The following RBFOX2 variants were observed in gnomAD, a reference collection of about 807,000 sequenced individuals.
The protein encoded by RBFOX2 is RNA binding fox-1 homolog 2, also known as RNA binding protein fox-1 homolog 2.
A neutral mutation model predicts 49.1 loss-of-function variants in RBFOX2; 10 were observed. The ratio of observed to expected loss-of-function variants is 0.20; its 90% confidence interval spans 0.13 to 0.35. The LOEUF (loss-of-function observed/expected upper bound fraction) is 0.35. RBFOX2 is among the 10% of genes least tolerant of loss of function. The pLI is 1.00. For missense variants in RBFOX2, 323 were observed against 486.9 expected (o/e 0.66, Z 3.17); for synonymous variants, 183 against 187.4 (o/e 0.98, Z 0.19).
upstream of RBFOX2, chr22:35,939,034 C>A: frequency 1.2e-6 from 1 of 828,712 alleles, no homozygotes; most frequent in African/African-American, 1.7e-5. Flanking sequence ...TCCACCCTAC[C>A]TAAGTGTATA....
chr22:35,858,826 CAAAA>C (rs771614258), intron 1 of RBFOX2, among the ~76,000 whole-genome samples: 1 of 53,734 alleles, frequency 1.9e-5, no homozygotes. Flanking sequence ...GACTCTGTCT[CAAAA>C]AAAAAAAAAA....
At chr22:35,776,590 A>G (rs1943962866) in intron 4 of RBFOX2, among the ~76,000 whole-genome samples, 1 of 152,238 alleles carries the variant, frequency 6.6e-6, no homozygotes, top group Non-Finnish European at 1.5e-5. Flanking sequence ...AATTTGGAGT[A>G]TGAAATTGGA....
chr22:35,846,106 A>T (rs2041150275), intron 1 of RBFOX2, among the ~76,000 whole-genome samples: 1 of 150,484 alleles, frequency 6.6e-6, no homozygotes, highest in African/African-American at 2.4e-5. Context: ...ATGTTAATAT[A>T]ATTACATAAA....
intron 1 of RBFOX2, among the ~76,000 whole-genome samples, chr22:35,910,534 A>C (rs2049685899): frequency 6.6e-6 from 1 of 152,204 alleles, no homozygotes; most frequent in Admixed American, 6.6e-5. Context: ...AGACAGCTTA[A>C]GGGTTTTTGT....
chr22:35,999,486 G>A, intron 1 of RBFOX2: 1 of 152,168 alleles, frequency 6.6e-6, no homozygotes, highest in East Asian at 1.9e-4. Context: ...GGGCCCAAGA[G>A]TTGGAGGTTA....
At chr22:35,910,272 A>G (rs1261061515) in intron 1 of RBFOX2, among the ~76,000 whole-genome samples, 1 of 152,230 alleles carries the variant, frequency 6.6e-6, no homozygotes, top group Non-Finnish European at 1.5e-5. Flanking sequence ...AAAGTACTCT[A>G]TGGTCAAATT....
intron 1 of RBFOX2, among the ~76,000 whole-genome samples, chr22:36,027,318 G>A (rs187923779): frequency 1.6e-4 from 25 of 152,248 alleles, no homozygotes; most frequent in African/African-American, 4.3e-4. Context: ...CTGCACAACT[G>A]TTGGTAGGTG....
chr22:36,012,097 A>G (rs991239325), intron 1 of RBFOX2, among the ~76,000 whole-genome samples: 2 of 152,212 alleles, frequency 1.3e-5, no homozygotes, highest in Admixed American at 1.3e-4. Context: ...AAGCCAAAAA[A>G]CAACGACAAA....
At chr22:36,010,359 C>CAAT (rs1347894218) in intron 1 of RBFOX2, among the ~76,000 whole-genome samples, 1 of 152,128 alleles carries the variant, frequency 6.6e-6, no homozygotes, top group Non-Finnish European at 1.5e-5. Flanking sequence ...GGCTTCCATT[C>CAAT]ACTACTTGGG....
intron 1 of RBFOX2, among the ~76,000 whole-genome samples, chr22:36,008,837 A>G (rs2058711598): frequency 6.6e-6 from 1 of 152,174 alleles, no homozygotes; most frequent in African/African-American, 2.4e-5. Flanking sequence ...AAAAAAGGAA[A>G]GATTCATACC....
chr22:35,918,320 C>T (rs1569487257), intron 1 of RBFOX2, among the ~76,000 whole-genome samples: 2 of 152,148 alleles, frequency 1.3e-5, no homozygotes, highest in Non-Finnish European at 2.9e-5. Flanking sequence ...GAGATTAAAT[C>T]AAGAAAGTAA....
intron 1 of RBFOX2, among the ~76,000 whole-genome samples, chr22:36,027,783 T>C (rs918414863): frequency 2.0e-5 from 3 of 152,092 alleles, no homozygotes; most frequent in African/African-American, 4.8e-5. Flanking sequence ...ACTCCTCTCA[T>C]TGAAATGCCA....
intron 1 of RBFOX2, among the ~76,000 whole-genome samples, chr22:35,969,090 A>G (rs528974954): frequency 6.6e-6 from 1 of 152,300 alleles, no homozygotes; most frequent in Non-Finnish European, 1.5e-5. Flanking sequence ...AGAGAGCAGT[A>G]AAGTGAAGTG....
rs1378162018 is a variant in RBFOX2, at chr22:35,806,815, G to A, written c.252+2965C>T. Among the ~76,000 whole-genome samples the A allele has an allele frequency of 2.0e-5, 3 of 152,074 alleles. No homozygotes were observed. In the East Asian group the frequency reaches 5.8e-4, roughly 29 times the overall value. The stretch of plus-strand genomic sequence containing the variant: ...AGGATCTAGCTGTGCACTTTTTTCG[G>A]GGAGTGGGGGACGGAGTCTCACTCT... On this transcript the variant is annotated intron_variant, in intron 2 of 11. Transcript: ENST00000405409.
chr22:35,949,910 A>T (rs2054724354), intron 1 of RBFOX2, among the ~76,000 whole-genome samples: 1 of 152,052 alleles, frequency 6.6e-6, no homozygotes, highest in Admixed American at 6.6e-5. Flanking sequence ...AAAGTTTTTA[A>T]TTTTGATAAA....
chr22:36,001,585 C>A (rs968846874), intron 1 of RBFOX2, among the ~76,000 whole-genome samples: 1 of 151,940 alleles, frequency 6.6e-6, no homozygotes, highest in Non-Finnish European at 1.5e-5. Flanking sequence ...CATAGCAAGA[C>A]CCTGTTTCTA....
chr22:35,968,848 C>T (rs1300578175), intron 1 of RBFOX2, among the ~76,000 whole-genome samples: 5 of 152,214 alleles, frequency 3.3e-5, no homozygotes, highest in Admixed American at 6.5e-5. Flanking sequence ...AGGGAGTCTT[C>T]ACAGTGATCC....
At chr22:35,762,766 G>C (rs1375934056) in intron 6 of RBFOX2, among the ~76,000 whole-genome samples, 1 of 151,934 alleles carries the variant, frequency 6.6e-6, no homozygotes, top group Non-Finnish European at 1.5e-5. Context: ...CAGCCTCCCA[G>C]AGTGCTGGGG....
At chr22:35,840,295 C>G (rs1958506218) in exon 1 of RBFOX2, 8 of 1,612,960 alleles carry the variant, frequency 5.0e-6, no homozygotes, top group African/African-American at 1.3e-5. Context: ...TTTCCACCCC[C>G]CTCCCCCCCC....
Sources: gnomAD v4.1 joint callset for allele counts (sites outside exome capture counted in the v4.1 genomes callset) on GRCh38, gnomAD v4.1.1 for gene constraint, MANE v1.5 for transcripts, NCBI Gene and HGNC (gene_info 2026-07-23, HGNC 2026-07-21) for gene names.